R3HDM2: variants seen among roughly 807,000 people sequenced by gnomAD.
R3HDM2 encodes the protein R3H domain containing 2, also known as R3H domain-containing protein 2.
R3HDM2 carries 38 observed loss-of-function variants against 124.5 expected under a neutral mutation model. The observed-to-expected ratio is 0.31, with a 90% confidence interval of 0.24 to 0.40. The LOEUF (loss-of-function observed/expected upper bound fraction) is 0.40. Among genes scored for constraint, R3HDM2 ranks in the 10% least tolerant of loss-of-function variants. R3HDM2 has a pLI of 1.00. For missense variants in R3HDM2, 869 were observed against 1,236.9 expected, an observed-to-expected ratio of 0.70 and a Z score of 4.46; for synonymous variants, 391 against 448.0, an observed-to-expected ratio of 0.87 and a Z score of 1.61.
At chr12:57,275,653 G>A (rs1440133880) in intron 14 of R3HDM2, among the ~76,000 whole-genome samples, 2 of 152,078 alleles carry the variant, frequency 1.3e-5, no homozygotes, top group Middle Eastern at 3.2e-3. Flanking sequence ...TCAAAAAGTG[G>A]GCTAAGGACA....
chr12:57,417,178 T>C (rs1355833131), intron 1 of R3HDM2, among the ~76,000 whole-genome samples: 1 of 151,136 alleles, frequency 6.6e-6, no homozygotes, highest in Admixed American at 6.6e-5. Context: ...CCAAGGTGGG[T>C]GGATCACCTT....
intron 2 of R3HDM2, among the ~76,000 whole-genome samples, chr12:57,320,288 AGC>A (rs2056188438): frequency 2.8e-5 from 4 of 141,472 alleles, no homozygotes; most frequent in Non-Finnish European, 6.1e-5. Context: ...AAAAAAAAAA[AGC>A]CTTAAACAGC....
At chr12:57,426,186 C>G (rs981732761) in intron 1 of R3HDM2, among the ~76,000 whole-genome samples, 1 of 152,142 alleles carries the variant, frequency 6.6e-6, no homozygotes, top group Admixed American at 6.5e-5. Context: ...CAAGATCACA[C>G]CATTGCACTC....
intron 3 of R3HDM2, among the ~76,000 whole-genome samples, chr12:57,308,105 A>G (rs2053120070): frequency 7.1e-6 from 1 of 141,346 alleles, no homozygotes. Flanking sequence ...CCCAGGCTGG[A>G]GTGCAGTGGG....
At chr12:57,306,238 C>T (rs1048268319) in intron 3 of R3HDM2, among the ~76,000 whole-genome samples, 3 of 152,152 alleles carry the variant, frequency 2.0e-5, no homozygotes, top group African/African-American at 4.8e-5. Context: ...ATATAACATG[C>T]TGAGAAATAT....
chr12:57,364,183 T>A (rs1221335082), intron 2 of R3HDM2, among the ~76,000 whole-genome samples: 5 of 139,372 alleles, frequency 3.6e-5, no homozygotes, highest in Non-Finnish European at 7.6e-5. Context: ...AGTATCACTC[T>A]GTCACCCAGG....
intron 2 of R3HDM2, among the ~76,000 whole-genome samples, chr12:57,386,013 C>T (rs1288647105): frequency 6.6e-6 from 1 of 152,144 alleles, no homozygotes; most frequent in Non-Finnish European, 1.5e-5. Context: ...CTATTAGTAC[C>T]ATCATTAAAA....
chr12:57,414,618 C>G (rs1168940604), intron 1 of R3HDM2, among the ~76,000 whole-genome samples: 1 of 149,722 alleles, frequency 6.7e-6, no homozygotes, highest in Admixed American at 6.7e-5. Flanking sequence ...ATCAGCTCAG[C>G]TGAGGTCAGG....
At chr12:57,279,869 C>T (rs922743160) in intron 14 of R3HDM2, among the ~76,000 whole-genome samples, 19 of 151,922 alleles carry the variant, frequency 1.3e-4, no homozygotes. Flanking sequence ...CATTTGGAGT[C>T]TTTGTGTTTC....
intron 2 of R3HDM2, among the ~76,000 whole-genome samples, chr12:57,348,720 A>G (rs1199386525): frequency 1.7e-3 from 22 of 12,674 alleles, no homozygotes; most frequent in African/African-American, 4.2e-3. Flanking sequence ...AAAAAAAAAA[A>G]AGAGAGAGAA....
In R3HDM2 at chr12:57,430,993, G is replaced by C. The variant is rs1196436942; in HGVS notation, c.-379C>G. The C allele has an allele frequency of 6.6e-6, 1 of 152,406 alleles. No individual in the cohort carries two copies. The highest frequency in any genetic ancestry group is 1.5e-5 in the Non-Finnish European group (1 of 68,262). The allele number at this position is 152,406 out of a possible 1,614,324, so 9.4% of individuals were successfully genotyped here. On this transcript the variant is annotated 5_prime_UTR_variant, in exon 1 of 24. Coordinates refer to ENST00000402412, the MANE Select transcript of R3HDM2 (RefSeq NM_001394031.1). ...AAAGGGGGGAGGGGAAAATCAGAAG[G>C]GGAAGAAAAGCCCAGAGTCCGCCCC...
At chr12:57,383,349 T>C (rs972938534) in intron 2 of R3HDM2, among the ~76,000 whole-genome samples, 3 of 152,142 alleles carry the variant, frequency 2.0e-5, no homozygotes, top group African/African-American at 7.2e-5. Context: ...TATTTTGTGT[T>C]ATTATTAAGT....
chr12:57,390,837 C>T (rs1043833240), intron 2 of R3HDM2, among the ~76,000 whole-genome samples: 1 of 151,914 alleles, frequency 6.6e-6, no homozygotes, highest in African/African-American at 2.4e-5. Context: ...ATGGTGAAAC[C>T]CTGTCTCTAC....
chr12:57,361,115 C>A (rs2061906918), intron 2 of R3HDM2, among the ~76,000 whole-genome samples: 1 of 149,790 alleles, frequency 6.7e-6, no homozygotes, highest in Non-Finnish European at 1.5e-5. Flanking sequence ...GTGGCTCACA[C>A]CTGTAATCCC....
intron 2 of R3HDM2, among the ~76,000 whole-genome samples, chr12:57,390,180 A>G (rs1566457748): frequency 8.2e-6 from 1 of 122,150 alleles, no homozygotes; most frequent in East Asian, 2.4e-4. Context: ...ACTAAAAAAA[A>G]AAAAGAAAGA....
At chr12:57,367,412 AT>A (rs555734533) in intron 2 of R3HDM2, among the ~76,000 whole-genome samples, 98 of 152,356 alleles carry the variant, frequency 6.4e-4, no homozygotes, top group African/African-American at 2.3e-3. Flanking sequence ...TGGCTACTGT[AT>A]TACACAGTGT....
intron 4 of R3HDM2, 141 bp downstream of exon 4, chr12:57,303,035 G>A (rs188504553): frequency 1.2e-4 from 86 of 730,362 alleles, no homozygotes; most frequent in Non-Finnish European, 1.0e-4. Context: ...GCACACTTAC[G>A]CAGGTTCACA....
chr12:57,282,720 C>T (rs551792000), intron 13 of R3HDM2, among the ~76,000 whole-genome samples: 21 of 151,916 alleles, frequency 1.4e-4, no homozygotes, highest in Non-Finnish European at 2.5e-4. Flanking sequence ...TCAGTTTGGG[C>T]GCCAGTGTCA....
chr12:57,390,839 T>C (rs542687925), intron 2 of R3HDM2, among the ~76,000 whole-genome samples: 3 of 152,146 alleles, frequency 2.0e-5, no homozygotes, highest in Admixed American at 1.3e-4. Context: ...GGTGAAACCC[T>C]GTCTCTACTA....
Sources: allele counts gnomAD v4.1 joint callset (sites outside exome capture counted in the v4.1 genomes callset), GRCh38; gene constraint gnomAD v4.1.1; transcripts MANE v1.5; gene names NCBI Gene and HGNC (gene_info 2026-07-23, HGNC 2026-07-21).